Variants in DCLK1 observed in about 807,000 individuals in gnomAD.
DCLK1 encodes serine/threonine-protein kinase DCLK1.
Under a neutral mutation model 86.2 loss-of-function variants are expected in DCLK1, and 16 were observed. The observed-to-expected ratio is 0.19, with a 90% CI of 0.13 to 0.28. DCLK1 has a LOEUF of 0.28. Among genes scored for constraint, DCLK1 ranks in the 10% least tolerant of loss-of-function variants. The probability of loss-of-function intolerance (pLI) is 1.00; values close to 1 mark genes in which losing one functional copy is unlikely to be tolerated. For missense variants in DCLK1, 590 were observed against 940.2 expected, an observed-to-expected ratio of 0.63 and a Z score of 4.87; for synonymous variants, 369 against 370.5, an observed-to-expected ratio of 1.00 and a Z score of 0.05.
chr13:35,865,544 A>G (rs996015995), intron 5 of DCLK1, among the ~76,000 whole-genome samples: 1 of 152,074 alleles, frequency 6.6e-6, no homozygotes, highest in Admixed American at 6.5e-5. Context: ...CTTTTCTGTT[A>G]TGGAGACTAA....
chr13:35,937,116 C>T (rs909601331), intron 4 of DCLK1, among the ~76,000 whole-genome samples: 1 of 149,166 alleles, frequency 6.7e-6, no homozygotes, highest in African/African-American at 2.4e-5. Context: ...ACTACAGGCA[C>T]CCGCCACCAT....
At chr13:35,826,175 C>A (rs1308947378) in intron 10 of DCLK1, among the ~76,000 whole-genome samples, 1 of 151,926 alleles carries the variant, frequency 6.6e-6, no homozygotes, top group Non-Finnish European at 1.5e-5. Flanking sequence ...TTACCTCCCT[C>A]AGCCTCAAAC....
In DCLK1 at chr13:35,836,095, T is replaced by A; in HGVS notation, c.1167A>T (p.Arg389=). 6.2e-7 allele frequency: 1 copy of A among 1,613,698 alleles called. No individual in the cohort carries two copies. Among genetic ancestry groups the A allele is most frequent in the Non-Finnish European group, 8.5e-7 (1 of 1,179,930 alleles). Reference sequence around the variant, plus strand: ...CTCCTATTGTTCTTCCGACTTTATATCGTTCTGTTATTGTAGCTGGAATCT... The same window carrying A: ...CTCCTATTGTTCTTCCGACTTTATAACGTTCTGTTATTGTAGCTGGAATCT... ...GFQIPATITE[R]YKVGRTIGDG... Residue 389 remains arginine (R), a synonymous_variant, in exon 8 of 17, where the codon CGA becomes CGT. Transcript: ENST00000360631.
At chr13:35,822,917 G>A (rs1422821629) in intron 10 of DCLK1, 42 bp from the exon 11 acceptor site, 1 of 1,607,076 alleles carries the variant, frequency 6.2e-7, no homozygotes, top group Non-Finnish European at 8.5e-7. Flanking sequence ...TTAACAGACG[G>A]GCCAGTGGGG....
intron 4 of DCLK1, among the ~76,000 whole-genome samples, chr13:35,928,577 G>T (rs1216468986): frequency 6.6e-6 from 1 of 152,086 alleles, no homozygotes; most frequent in Non-Finnish European, 1.5e-5. Flanking sequence ...GATACACTAA[G>T]TAATTTGCAT....
intron 5 of DCLK1, among the ~76,000 whole-genome samples, chr13:35,856,507 A>G (rs935907485): frequency 6.6e-6 from 1 of 152,246 alleles, no homozygotes; most frequent in Admixed American, 6.5e-5. Flanking sequence ...GGAAAAAATG[A>G]GCAAATAGGG....
chr13:35,897,234 A>T (rs1275618991), intron 4 of DCLK1, among the ~76,000 whole-genome samples: 2 of 152,136 alleles, frequency 1.3e-5, no homozygotes, highest in African/African-American at 4.8e-5. Context: ...AATAAGTAAG[A>T]CTTGATCTAA....
At chr13:35,982,427 AGAGAGGGG>A (rs1287110701) in intron 3 of DCLK1, among the ~76,000 whole-genome samples, 11,095 of 53,556 alleles carry the variant, frequency 0.21, 1,867 homozygotes, top group South Asian at 0.29. Context: ...AGAGAGAGAG[AGAGAGGGG>A]GAGGGAGGGA....
intron 3 of DCLK1, among the ~76,000 whole-genome samples, chr13:35,970,781 T>C (rs182911159): frequency 6.6e-6 from 1 of 152,350 alleles, no homozygotes; most frequent in African/African-American, 2.4e-5. Flanking sequence ...TATTCTGTTA[T>C]AGCAGCATAA....
intron 3 of DCLK1, among the ~76,000 whole-genome samples, chr13:35,977,959 G>A (rs879888716): frequency 6.6e-6 from 1 of 152,106 alleles, no homozygotes; most frequent in Non-Finnish European, 1.5e-5. Flanking sequence ...GTCAACAAGA[G>A]CTCTGTGAGT....
chr13:36,100,567 C>T (rs17053473), intron 3 of DCLK1, among the ~76,000 whole-genome samples: 17,407 of 152,160 alleles, frequency 0.11, 1,336 homozygotes, highest in East Asian at 0.32. Flanking sequence ...ACAGACCCCA[C>T]TTATTTCTAG....
chr13:35,912,555 T>G lies in DCLK1; in HGVS notation c.823+34803A>C, dbSNP rs564636396. Among the ~76,000 whole-genome samples the G allele has an allele frequency of 3.3e-5, 5 of 152,216 alleles. No individual in the cohort carries two copies. In the South Asian group the frequency reaches 1.0e-3, roughly 32 times the overall value. The stretch of plus-strand genomic sequence containing the variant: ...TTAACTTCAGGGAAGAGCCAGCTAG[T>G]GACAACCGGACTTCAGGGAAGATTA... On this transcript the variant is annotated intron_variant, in intron 4 of 16. Coordinates refer to ENST00000360631, the MANE Select transcript of DCLK1 (RefSeq NM_001330071.2).
chr13:35,936,498 G>A (rs925313577), intron 4 of DCLK1, among the ~76,000 whole-genome samples: 3 of 152,306 alleles, frequency 2.0e-5, no homozygotes, highest in South Asian at 2.1e-4. Context: ...TCTATGAGAA[G>A]GATTCTTTAA....
At chr13:35,952,481 A>T (rs1036075766) in intron 3 of DCLK1, among the ~76,000 whole-genome samples, 3 of 152,224 alleles carry the variant, frequency 2.0e-5, no homozygotes, top group Non-Finnish European at 4.4e-5. Context: ...ATTTGTAAGC[A>T]TATTCACCTG....
intron 4 of DCLK1, among the ~76,000 whole-genome samples, chr13:35,946,765 C>T (rs1418498162): frequency 6.6e-6 from 1 of 152,184 alleles, no homozygotes; most frequent in Non-Finnish European, 1.5e-5. Context: ...CTTAAAGCCA[C>T]AACATTTCAC....
Position 36,041,539 on chromosome 13 carries a change from C to T in DCLK1, c.723+70330G>A, listed in dbSNP as rs532672657. 2.0e-5 allele frequency among the ~76,000 whole-genome samples: 3 copies of T among 152,288 alleles called. No homozygotes were observed. The East Asian group carries it at 5.8e-4, about 29-fold the overall frequency. ...CCCCCTTGAGTGAGGTTGTTTCATA[C>T]ATTTGTAATACAGTTAGATTGTTTT... On this transcript the variant is annotated intron_variant, in intron 3 of 16. Coordinates refer to ENST00000360631, the MANE Select transcript of DCLK1 (RefSeq NM_001330071.2).
chr13:36,027,348 G>A (rs906070456), intron 3 of DCLK1, among the ~76,000 whole-genome samples: 53 of 152,196 alleles, frequency 3.5e-4, no homozygotes, highest in African/African-American at 4.8e-4. Context: ...GGCATGAGGC[G>A]GAGCTCATGC....
intron 6 of DCLK1, among the ~76,000 whole-genome samples, chr13:35,853,220 A>G (rs1244942534): frequency 1.3e-5 from 2 of 152,202 alleles, no homozygotes; most frequent in African/African-American, 4.8e-5. Context: ...AAAACACTCA[A>G]ATGGAGGTAG....
At chr13:36,008,313 G>A (rs1416322192) in intron 3 of DCLK1, among the ~76,000 whole-genome samples, 208 of 78,214 alleles carry the variant, frequency 2.7e-3, no homozygotes, top group East Asian at 0.015. Flanking sequence ...ATGCTGGTGC[G>A]CTGCACCCAC....
Sources: gnomAD v4.1 joint callset for allele counts (sites outside exome capture counted in the v4.1 genomes callset) on GRCh38, gnomAD v4.1.1 for gene constraint, MANE v1.5 for transcripts, NCBI Gene and HGNC (gene_info 2026-07-23, HGNC 2026-07-21) for gene names.